Variants in PTK2 observed in about 807,000 individuals in gnomAD.
PTK2 encodes the protein protein tyrosine kinase 2.
A neutral mutation model predicts 150.1 loss-of-function variants in PTK2; 45 were observed. The ratio of observed to expected loss-of-function variants is 0.30; its 90% confidence interval spans 0.24 to 0.38. The LOEUF is 0.38. Among genes scored for constraint, PTK2 ranks in the 10% least tolerant of loss-of-function variants. The probability of loss-of-function intolerance (pLI) is 1.00; values close to 1 mark genes in which losing one functional copy is unlikely to be tolerated. For synonymous variants in PTK2, 432 were observed against 449.2 expected (o/e 0.96, Z 0.48); for missense variants, 919 against 1,307.3 (o/e 0.70, Z 4.58).
intron 1 of PTK2, among the ~76,000 whole-genome samples, chr8:140,930,415 A>G (rs1375818753): frequency 6.6e-6 from 1 of 152,126 alleles, no homozygotes; most frequent in Non-Finnish European, 1.5e-5. Flanking sequence ...ATCTCTCTTT[A>G]CTTCTCATTA....
chr8:140,898,161 T>TA (rs1039274384), intron 2 of PTK2, among the ~76,000 whole-genome samples: 5 of 152,274 alleles, frequency 3.3e-5, no homozygotes, highest in East Asian at 1.9e-4. Flanking sequence ...GAAGTTTTTT[T>TA]AAAAAAAGAC....
chr8:140,785,536 CAT>C lies in PTK2; in HGVS notation c.1177+3936_1177+3937del, dbSNP rs539398955. Among the ~76,000 whole-genome samples, 156 of 152,266 alleles carry C rather than the reference CAT, an allele frequency of 1.0e-3. 1 individual carries two copies. The highest frequency in any genetic ancestry group is 6.8e-3 in the Admixed American group (104 of 15,288). ...AGGAAAGCTTTCTATGAGGTACTGA[CAT>C]ATGAACCCAGACTTGGGTCAGGTAA... On this transcript the variant is annotated intron_variant, in intron 14 of 31. Transcript: ENST00000522684.
intron 16 of PTK2, among the ~76,000 whole-genome samples, chr8:140,756,771 C>T (rs1202641843): frequency 6.6e-6 from 1 of 150,772 alleles, no homozygotes; most frequent in African/African-American, 2.4e-5. Flanking sequence ...AGGTGGATCA[C>T]GAGGTCAGGA....
intron 17 of PTK2, among the ~76,000 whole-genome samples, chr8:140,749,958 C>T (rs2100061723): frequency 1.3e-5 from 2 of 152,240 alleles, no homozygotes; most frequent in Admixed American, 6.5e-5. Flanking sequence ...GAAAAGATAA[C>T]CAATTTTTAA....
intron 29 of PTK2, among the ~76,000 whole-genome samples, chr8:140,670,731 T>C (rs1251151152): frequency 2.0e-5 from 3 of 152,132 alleles, no homozygotes; most frequent in Non-Finnish European, 4.4e-5. Flanking sequence ...TATTTTATTT[T>C]CTGCACTGAG....
intron 3 of PTK2, among the ~76,000 whole-genome samples, chr8:140,889,619 T>G: frequency 1.3e-5 from 2 of 151,114 alleles, no homozygotes; most frequent in South Asian, 4.2e-4. Flanking sequence ...ATTAATTAAT[T>G]TACTTATTGT....
chr8:140,988,451 T>C (rs1446872866), intron 1 of PTK2, among the ~76,000 whole-genome samples: 1 of 152,170 alleles, frequency 6.6e-6, no homozygotes, highest in Non-Finnish European at 1.5e-5. Context: ...CCCACATGGC[T>C]GGGCATGGTG....
At chr8:140,670,488 AACACACAC>A (rs57247522) in intron 29 of PTK2, among the ~76,000 whole-genome samples, 2,272 of 38,956 alleles carry the variant, frequency 0.058, 278 homozygotes, top group African/African-American at 0.097. Context: ...AAAAAACAAC[AACACACAC>A]ACACACACAC....
intron 8 of PTK2, among the ~76,000 whole-genome samples, chr8:140,827,298 A>C (rs1347129908): frequency 6.6e-6 from 1 of 152,068 alleles, no homozygotes; most frequent in Non-Finnish European, 1.5e-5. Context: ...GACAGCCTAG[A>C]AACAGAGAGG....
At chr8:140,828,615 A>AT (rs1474377863) in intron 8 of PTK2, among the ~76,000 whole-genome samples, 1 of 152,202 alleles carries the variant, frequency 6.6e-6, no homozygotes, top group Non-Finnish European at 1.5e-5. Flanking sequence ...TCAACAGAAC[A>AT]TTGGGTAGAG....
exon 4 of PTK2, chr8:140,879,489 T>C: frequency 3.1e-6 from 5 of 1,611,838 alleles, no homozygotes; most frequent in Non-Finnish European, 4.2e-6. Flanking sequence ...CTCTGGTGGG[T>C]GAGCAAGCTC....
chr8:140,751,111 T>C (rs1313756070), intron 17 of PTK2, among the ~76,000 whole-genome samples: 2 of 151,900 alleles, frequency 1.3e-5, no homozygotes, highest in Non-Finnish European at 2.9e-5. Flanking sequence ...CTAGCTAAAG[T>C]CACCTGGGAA....
chr8:140,889,472 G>A (rs2154607353), intron 3 of PTK2, among the ~76,000 whole-genome samples: 3 of 152,096 alleles, frequency 2.0e-5, no homozygotes, highest in Middle Eastern at 6.8e-3. Flanking sequence ...CAAGTGACCT[G>A]CCCACCTTGG....
intron 25 of PTK2, 105 bp from the exon 29 acceptor site, chr8:140,701,127 A>G: frequency 7.7e-7 from 1 of 1,297,888 alleles, no homozygotes; most frequent in Non-Finnish European, 1.0e-6. Context: ...AACAGCAAGT[A>G]TGAGAAACAG....
chr8:140,847,172 A>G (rs565303786), intron 5 of PTK2, among the ~76,000 whole-genome samples: 1 of 152,292 alleles, frequency 6.6e-6, no homozygotes, highest in South Asian at 2.1e-4. Context: ...GTATTTTCTG[A>G]CCTCAAACTA....
intron 22 of PTK2, among the ~76,000 whole-genome samples, chr8:140,723,725 A>G (rs561831805): frequency 6.6e-6 from 1 of 152,378 alleles, no homozygotes; most frequent in South Asian, 2.1e-4. Flanking sequence ...CAAACTTGCA[A>G]ATAGATGGAA....
At chr8:140,718,759 T>C (rs1476525969) in intron 22 of PTK2, 3 of 152,152 alleles carry the variant, frequency 2.0e-5, no homozygotes, top group African/African-American at 4.8e-5. Flanking sequence ...ACTTACACAG[T>C]CACCTTCTGA....
intron 10 of PTK2, among the ~76,000 whole-genome samples, chr8:140,807,329 AAG>A (rs2100098659): frequency 6.6e-6 from 1 of 152,258 alleles, no homozygotes; most frequent in South Asian, 2.1e-4. Context: ...CACTGCGAAA[AAG>A]AGAACAAGAC....
chr8:140,788,143 T>C (rs1487746466), intron 14 of PTK2, among the ~76,000 whole-genome samples: 3 of 152,172 alleles, frequency 2.0e-5, no homozygotes, highest in East Asian at 1.9e-4. Flanking sequence ...ATTAAGCTTA[T>C]AAGGATGATT....
Sources: allele counts gnomAD v4.1 joint callset (sites outside exome capture counted in the v4.1 genomes callset), GRCh38; gene constraint gnomAD v4.1.1; transcripts MANE v1.5; gene names NCBI Gene and HGNC (gene_info 2026-07-23, HGNC 2026-07-21).